Variants in RNF8 observed in about 807,000 individuals in gnomAD.
RNF8 encodes ring finger protein 8.
RNF8 carries 8 observed loss-of-function variants against 59.3 expected under a neutral mutation model. The ratio of observed to expected loss-of-function variants is 0.13; its 90% CI spans 0.08 to 0.24. The LOEUF is 0.24. RNF8 is among the 10% of genes least tolerant of loss of function. RNF8 has a pLI of 1.00. For missense variants in RNF8, 406 were observed against 572.6 expected (o/e 0.71, Z 2.97); for synonymous variants, 162 against 200.0 (o/e 0.81, Z 1.60).
intron 6 of RNF8, among the ~76,000 whole-genome samples, chr6:37,377,918 C>T (rs1003799531): frequency 2.6e-5 from 4 of 152,142 alleles, no homozygotes; most frequent in Non-Finnish European, 5.9e-5. Context: ...ATTTATTTGA[C>T]AAATTCTGCT....
At chr6:37,359,335 G>T (rs188126712) in intron 1 of RNF8, 5 of 370,732 alleles carry the variant, frequency 1.3e-5, no homozygotes. Flanking sequence ...AATTATAACT[G>T]GCTGAAGGTA....
At position 37,360,103 on chromosome 6, in the gene RNF8, A is replaced by C. The variant is rs889860364; in HGVS notation, c.112-343A>C. 2.0e-5 allele frequency among the ~76,000 whole-genome samples: 3 copies of C among 152,234 alleles called. No individual in the cohort carries two copies. Among genetic ancestry groups the C allele is most frequent in the Admixed American group, 6.5e-5 (1 of 15,280 alleles). On this transcript the variant is annotated intron_variant, in intron 1 of 7. Transcript: ENST00000373479. This position sits in a 1 kb window ranked among gnomAD's most constrained non-coding sequence, Gnocchi z 4.2. ...TTTTAAAAATTGGAGGGCCTGCCTT[A>C]TGTAAAGTTACTGACAGTATTTATG... is the stretch of plus-strand genomic sequence containing the variant.
Position 37,379,659 on chromosome 6 carries a change from G to A in RNF8, c.1237-1491G>A, listed in dbSNP as rs140702716. Reference sequence around the variant, plus strand: ...TGGCACATTACTTAGATATTCAGGCGTTGTCAACGAACCCACTACATTTTT... The same window carrying A: ...TGGCACATTACTTAGATATTCAGGCATTGTCAACGAACCCACTACATTTTT... On this transcript the variant is annotated intron_variant, in intron 6 of 7. Coordinates refer to ENST00000373479, the MANE Select transcript of RNF8 (RefSeq NM_003958.4). Among the ~76,000 whole-genome samples the A allele has an allele frequency of 9.2e-5, 14 of 152,258 alleles. No individual in the cohort carries two copies. In the East Asian group the frequency reaches 1.5e-3, roughly 17 times the overall value.
At chr6:37,378,834 A>G (rs1022699673) in intron 6 of RNF8, among the ~76,000 whole-genome samples, 1 of 152,080 alleles carries the variant, frequency 6.6e-6, no homozygotes, top group East Asian at 1.9e-4. Context: ...TATGGACTCT[A>G]TAAGAGGAAG....
chr6:37,371,266 T>G (rs1769791309), intron 3 of RNF8, among the ~76,000 whole-genome samples: 3 of 152,188 alleles, frequency 2.0e-5, no homozygotes, highest in African/African-American at 7.2e-5. Context: ...GGCCATAGTA[T>G]TTCCAGAACA....
In RNF8 at chr6:37,372,545, G is replaced by A. The variant is rs9470562; in HGVS notation, c.1038+971G>A. 3.4e-3 allele frequency among the ~76,000 whole-genome samples: 524 copies of A among 152,296 alleles called. 1 individual carries two copies. Among genetic ancestry groups the A allele is most frequent in the African/African-American group, 0.011 (461 of 41,556 alleles). On this transcript the variant is annotated intron_variant, in intron 4 of 7. Transcript: ENST00000373479. ...AATATTCAGACATTGTTTTGAAATT[G>A]AAAAAGAATGTGGTTCTGCTAGTTG...
intron 6 of RNF8, among the ~76,000 whole-genome samples, chr6:37,379,008 T>A (rs953953761): frequency 2.0e-5 from 3 of 152,136 alleles, no homozygotes; most frequent in Non-Finnish European, 4.4e-5. Context: ...TGTTTTATTT[T>A]ATTTATTTAT....
At position 37,360,360 on chromosome 6, in the gene RNF8, A is replaced by G. The variant is rs1581664285; in HGVS notation, c.112-86A>G. The G allele has an allele frequency of 3.9e-6, 6 of 1,521,896 alleles. No individual in the cohort carries two copies. Among genetic ancestry groups the G allele is most frequent in the South Asian group, 2.3e-5 (2 of 87,560 alleles). The allele number at this position is 1,521,896 out of a possible 1,614,324, so 94.3% of individuals were successfully genotyped here. A position where few individuals can be genotyped will look rare whatever the true frequency, so the allele number is the denominator to read the frequency against. On this transcript the variant is annotated intron_variant, in intron 1 of 7. Coordinates refer to ENST00000373479, the MANE Select transcript of RNF8 (RefSeq NM_003958.4). This position sits in a 1 kb window ranked among gnomAD's most constrained non-coding sequence, Gnocchi z 4.2. ...TGGTTTCTTAAGTCAGGACCTGCATATGCTGCTGGTTGATGAGATTTGTAA... is the reference window on the plus strand; with the variant it reads ...TGGTTTCTTAAGTCAGGACCTGCATGTGCTGCTGGTTGATGAGATTTGTAA...
chr6:37,370,701 CT>C (rs5875582), intron 3 of RNF8, among the ~76,000 whole-genome samples: 133 of 142,178 alleles, frequency 9.4e-4, no homozygotes, highest in Non-Finnish European at 1.2e-3. Flanking sequence ...CTCCTTCACA[CT>C]TTTTTTTTTT....
intron 4 of RNF8, among the ~76,000 whole-genome samples, chr6:37,373,261 TAAG>T (rs1769883147): frequency 1.3e-5 from 2 of 152,136 alleles, no homozygotes; most frequent in African/African-American, 4.8e-5. Flanking sequence ...TTCACTGCCC[TAAG>T]CAGTCTGCCA....
chr6:37,388,221 A>C (rs151300824), intron 7 of RNF8, among the ~76,000 whole-genome samples: 12 of 152,338 alleles, frequency 7.9e-5, no homozygotes, highest in Admixed American at 2.6e-4. Flanking sequence ...TAGAATCCAC[A>C]GGTCTGTGGG....
At chr6:37,365,034 G>T (rs1769490717) in intron 2 of RNF8, among the ~76,000 whole-genome samples, 1 of 152,088 alleles carries the variant, frequency 6.6e-6, no homozygotes, top group African/African-American at 2.4e-5. Flanking sequence ...TTCCCAAAGT[G>T]TTAGGATTAC....
chr6:37,364,178 C>CAAAAA (rs35915593), intron 2 of RNF8, among the ~76,000 whole-genome samples: 58 of 82,272 alleles, frequency 7.0e-4, no homozygotes, highest in East Asian at 4.1e-3. Context: ...GACTCTGTCT[C>CAAAAA]AAAAAAAAAA....
intron 7 of RNF8, among the ~76,000 whole-genome samples, chr6:37,389,820 T>C (rs1366861039): frequency 6.6e-6 from 1 of 152,192 alleles, no homozygotes; most frequent in Non-Finnish European, 1.5e-5. Flanking sequence ...GGAACCCTAC[T>C]TGGTTCTCTC....
At chr6:37,387,965 C>G (rs1770581679) in intron 7 of RNF8, among the ~76,000 whole-genome samples, 1 of 152,106 alleles carries the variant, frequency 6.6e-6, no homozygotes, top group South Asian at 2.1e-4. Flanking sequence ...CTGGGTCATG[C>G]AGGGTGTTAC....
In RNF8 at chr6:37,392,726, T is replaced by C; in HGVS notation, c.*1968T>C. The C allele has an allele frequency of 2.5e-6, 1 of 398,602 alleles. No individual in the cohort carries two copies. Among genetic ancestry groups the C allele is most frequent in the Non-Finnish European group, 4.4e-6 (1 of 226,042 alleles). 24.7% of individuals were successfully genotyped at this position (398,602 alleles called of 1,614,324 possible). A position where few individuals can be genotyped will look rare whatever the true frequency, so the allele number is the denominator to read the frequency against. ...GCTTACTTTTGATAGAAATCTAGGT[T>C]GGTTCAAACCTTTTTACTCTTAAAA... On this transcript the variant is annotated 3_prime_UTR_variant, in exon 8 of 8. Coordinates refer to ENST00000373479, the MANE Select transcript of RNF8 (RefSeq NM_003958.4).
At chr6:37,375,815 T>G (rs1299580789) in intron 5 of RNF8, among the ~76,000 whole-genome samples, 1 of 152,200 alleles carries the variant, frequency 6.6e-6, no homozygotes, top group South Asian at 2.1e-4. Flanking sequence ...TGGCCTATCC[T>G]CTCCCCCTCA....
intron 6 of RNF8, among the ~76,000 whole-genome samples, chr6:37,379,581 A>G (rs2113829880): frequency 6.6e-6 from 1 of 152,310 alleles, no homozygotes; most frequent in East Asian, 1.9e-4. Context: ...GACCAGAGGG[A>G]TTACTCAGAG....
intron 7 of RNF8, among the ~76,000 whole-genome samples, chr6:37,388,935 T>TAAA (rs10667248): frequency 6.4e-5 from 9 of 139,892 alleles, no homozygotes; most frequent in African/African-American, 2.5e-4. Context: ...CCTATCTCTT[T>TAAA]AAAAAAAAAA....
Sources: gnomAD v4.1 joint callset for allele counts (sites outside exome capture counted in the v4.1 genomes callset) on GRCh38, gnomAD v4.1.1 for gene constraint, Gnocchi (gnomAD v3.1) non-coding constraint, MANE v1.5 for transcripts, NCBI Gene and HGNC (gene_info 2026-07-23, HGNC 2026-07-21) for gene names.